The following ADAMTS14 variants were observed in gnomAD, a reference collection of about 807,000 sequenced individuals.
ADAMTS14 encodes ADAM metallopeptidase with thrombospondin type 1 motif 14.
ADAMTS14 carries 100 observed loss-of-function variants against 128.6 expected under a neutral mutation model. The ratio of observed to expected loss-of-function variants is 0.78; its 90% CI spans 0.66 to 0.92. The LOEUF (loss-of-function observed/expected upper bound fraction) is 0.92. ADAMTS14 is among the 40% of genes least tolerant of loss of function. ADAMTS14 has a pLI of 0.00. For missense variants in ADAMTS14, 1,562 were observed against 1,658.6 expected (o/e 0.94, Z 1.01); for synonymous variants, 665 against 653.8 (o/e 1.02, Z -0.26).
At chr10:70,693,591 A>G (rs954107671) in intron 2 of ADAMTS14, among the ~76,000 whole-genome samples, 1 of 152,218 alleles carries the variant, frequency 6.6e-6, no homozygotes, top group Non-Finnish European at 1.5e-5. Flanking sequence ...ATGTTAAGTA[A>G]GTGTCCCAAG....
In ADAMTS14 at chr10:70,743,693, C is replaced by T; in HGVS notation, c.2058+12C>T. On this transcript the variant is annotated intron_variant, in intron 13 of 21. Coordinates refer to ENST00000373207, the MANE Select transcript of ADAMTS14 (RefSeq NM_080722.4). ...GTGGCGAGTGTGTGGTGGGTGCACC[C>T]CCAGCCACCCCGACTACCGGCACAG... 6.4e-7 allele frequency: 1 copy of T among 1,560,366 alleles called. No individual in the cohort carries two copies. Among genetic ancestry groups the T allele is most frequent in the Non-Finnish European group, 8.7e-7 (1 of 1,151,872 alleles).
At chr10:70,750,130 G>A (rs1842308796) in intron 16 of ADAMTS14, 145 bp downstream of exon 16, 5 of 1,090,150 alleles carry the variant, frequency 4.6e-6, no homozygotes, top group Non-Finnish European at 6.4e-6. Context: ...CCTGGGATTA[G>A]CTCCTCATTT....
rs1390339032 is a variant in ADAMTS14 at position 70,758,229 on chromosome 10, A to T, written c.3122A>T (p.Glu1041Val). ...GATGTCTGGGAACTTGGGACGCCAG[A>T]GGGGCAGTGGGTGCCACAATCTGAA... ...RADVWELGTPEGQWVPQSEPL... is the reference protein window; with the variant it reads ...RADVWELGTPVGQWVPQSEPL... Residue 1041 changes from glutamate to valine, a missense_variant, in exon 21 of 22, where the codon GAG becomes GTG. Physicochemically the swap from Glu to Val is moderately radical, Grantham distance 121. Transcript: ENST00000373207. The T allele has an allele frequency of 6.2e-7, 1 of 1,614,140 alleles. No individual in the cohort carries two copies. The highest frequency in any genetic ancestry group is 1.3e-5 in the African/African-American group (1 of 74,950).
At chr10:70,736,481 C>T (rs368707978) in intron 9 of ADAMTS14, among the ~76,000 whole-genome samples, 199 bp from the exon 10 acceptor site, 6 of 152,244 alleles carry the variant, frequency 3.9e-5, no homozygotes, top group African/African-American at 1.4e-4. Context: ...TTCTCAGTGC[C>T]ATGGAGAAAG....
In ADAMTS14 at chr10:70,702,416, G is replaced by A. The variant is rs1840524066; in HGVS notation, c.627G>A (p.Arg209=). The change falls in exon 3 of 22, where the codon CGG becomes CGA. Residue 209 remains arginine, a synonymous_variant. Coordinates refer to ENST00000373207, the MANE Select transcript of ADAMTS14 (RefSeq NM_080722.4). The part of the protein sequence containing the change: ...ASGRTHVVYR[R]EAVQQEWAEP... ...GGAGGACACATGTGGTGTACCGCCGGGAGGCCGTCCAGCAGGAGTGGGCAG... is the reference window on the plus strand; with the variant it reads ...GGAGGACACATGTGGTGTACCGCCGAGAGGCCGTCCAGCAGGAGTGGGCAG... 6.2e-7 allele frequency: 1 copy of A among 1,613,776 alleles called. No homozygotes were observed. The highest frequency in any genetic ancestry group is 1.7e-5 in the Admixed American group (1 of 59,970).
chr10:70,734,540 G>A (rs1841762915), intron 8 of ADAMTS14, among the ~76,000 whole-genome samples: 1 of 152,196 alleles, frequency 6.6e-6, no homozygotes, highest in Admixed American at 6.5e-5. Context: ...ATGCTGAGGA[G>A]GGAGCTCCTC....
Position 70,715,456 on chromosome 10 carries a change from G to A in ADAMTS14, c.870+6678G>A, listed in dbSNP as rs116675878. On this transcript the variant is annotated intron_variant, in intron 4 of 21. Transcript: ENST00000373207. ...TGTGCCCTCAGCGAGGCCCCTTCCA[G>A]ACCCACTGAGTGGCCTGGTCTGAGC... 2.5e-3 allele frequency among the ~76,000 whole-genome samples: 387 copies of A among 152,200 alleles called. 1 individual carries two copies. The highest frequency in any genetic ancestry group is 7.3e-3 in the African/African-American group (303 of 41,532).
rs1485675752 is a variant in ADAMTS14 at position 70,759,129 on chromosome 10, T to TTTTTTTTTTTTTGAG, written c.3178+844_3178+845insTTTTTTTTTTTTGAG. Among the ~76,000 whole-genome samples, 344 of 112,614 alleles carry TTTTTTTTTTTTTGAG rather than the reference T, an allele frequency of 3.1e-3. 31 individuals carry two copies. The highest frequency in any genetic ancestry group is 0.011 in the African/African-American group (330 of 30,310). 73.9% of individuals were successfully genotyped at this position (112,614 alleles called of 152,430 possible). On this transcript the variant is annotated intron_variant, in intron 21 of 21. Coordinates refer to ENST00000373207, the MANE Select transcript of ADAMTS14 (RefSeq NM_080722.4). ...AAAGGACCTTCTACCTCCAATCTTC[T>TTTTTTTTTTTTTGAG]ACTTCTCTGCTCCTAGGCTGAGGTT... is the stretch of plus-strand genomic sequence containing the variant.
chr10:70,709,880 C>CTGGGCTAAAAGTGAGCTA (rs1840791063), intron 4 of ADAMTS14, among the ~76,000 whole-genome samples: 1 of 152,200 alleles, frequency 6.6e-6, no homozygotes, highest in African/African-American at 2.4e-5. Context: ...CAGGTGGCCC[C>CTGGGCTAAAAGTGAGCTA]AAGTGAGCAT....
At chr10:70,704,124 A>G (rs1840577756) in intron 3 of ADAMTS14, among the ~76,000 whole-genome samples, 1 of 152,168 alleles carries the variant, frequency 6.6e-6, no homozygotes, top group Non-Finnish European at 1.5e-5. Context: ...GAGCCTGCCT[A>G]GCAGCCGGCT....
intron 3 of ADAMTS14, among the ~76,000 whole-genome samples, chr10:70,706,474 C>T (rs1840671135): frequency 6.6e-6 from 1 of 152,204 alleles, no homozygotes; most frequent in Admixed American, 6.5e-5. Flanking sequence ...ATGGAGAGAG[C>T]CTTGCGCCTT....
intron 4 of ADAMTS14, among the ~76,000 whole-genome samples, chr10:70,717,870 G>T (rs894199702): frequency 6.6e-6 from 1 of 152,176 alleles, no homozygotes; most frequent in African/African-American, 2.4e-5. Flanking sequence ...AGATGTTGGG[G>T]TGGTTGCCGG....
intron 15 of ADAMTS14, among the ~76,000 whole-genome samples, chr10:70,748,289 G>A (rs910024292): frequency 6.6e-6 from 1 of 152,192 alleles, no homozygotes; most frequent in African/African-American, 2.4e-5. Flanking sequence ...GGAATGAGGG[G>A]TGCATAATCA....
Position 70,738,946 on chromosome 10 carries a change from T to TG in ADAMTS14, c.1709dup (p.Gly571ArgfsTer70). 2.5e-6 allele frequency: 4 copies of TG among 1,611,876 alleles called. No individual in the cohort carries two copies. The highest frequency in any genetic ancestry group is 3.4e-6 in the Non-Finnish European group (4 of 1,178,982). ...AGTTTGGGTCATGTTCGCGGTCATG[T>TG]GGGGGCGGGGTGCGATCCCGCAGCC... is the stretch of plus-strand genomic sequence containing the variant. On this transcript the variant is annotated frameshift_variant, in exon 11 of 22. Coordinates refer to ENST00000373207, the MANE Select transcript of ADAMTS14 (RefSeq NM_080722.4). LOFTEE classifies it high-confidence loss of function.
chr10:70,730,077 G>A (rs969568859), intron 5 of ADAMTS14, 25 bp from the exon 6 acceptor site: 1 of 1,566,718 alleles, frequency 6.4e-7, no homozygotes, highest in Non-Finnish European at 8.6e-7. Context: ...CCACGTGGCT[G>A]TTGGTGCTCT....
intron 2 of ADAMTS14, among the ~76,000 whole-genome samples, chr10:70,680,140 G>T (rs867054347): frequency 1.8e-4 from 27 of 152,220 alleles, no homozygotes; most frequent in Admixed American, 1.3e-4. Context: ...GGTGGCTCAT[G>T]CCTGTAATCC....
chr10:70,690,803 C>T lies in ADAMTS14; in HGVS notation c.523-11509C>T, dbSNP rs963582268. On this transcript the variant is annotated intron_variant, in intron 2 of 21. Coordinates refer to ENST00000373207, the MANE Select transcript of ADAMTS14 (RefSeq NM_080722.4). Reference sequence around the variant, plus strand: ...CAGCGTTCAAACTGCAGGGCCTCCACGCAGGGTGCCGCTCCTCCGCTCAGG... The same window carrying T: ...CAGCGTTCAAACTGCAGGGCCTCCATGCAGGGTGCCGCTCCTCCGCTCAGG... Among the ~76,000 whole-genome samples the T allele has an allele frequency of 5.5e-5, 8 of 144,836 alleles. 1 individual carries two copies. The highest frequency in any genetic ancestry group is 2.2e-4 in the South Asian group (1 of 4,528).
chr10:70,760,820 C>T lies in ADAMTS14; in HGVS notation c.3639C>T (p.Gly1213=), dbSNP rs1432033303. Residue 1213 remains glycine, a synonymous_variant, in exon 22 of 22, where the codon GGC becomes GGT. Transcript: ENST00000373207. ...GQPGEDLRHP[G]TSLPAASPVT ...CTGGAGAAGACCTGAGACATCCCGG[C>T]ACCAGCCTCCCTGCTGCCTCCCCGG... 1 of 1,586,706 alleles carries T rather than the reference C, an allele frequency of 6.3e-7. No homozygotes were observed. Among genetic ancestry groups the T allele is most frequent in the African/African-American group, 1.3e-5 (1 of 74,322 alleles).
intron 4 of ADAMTS14, among the ~76,000 whole-genome samples, chr10:70,712,319 C>T (rs1267969060): frequency 6.6e-6 from 1 of 152,188 alleles, no homozygotes; most frequent in Non-Finnish European, 1.5e-5. Context: ...GGTCCCACGG[C>T]CCAAAACTGG....
Sources: gnomAD v4.1 joint callset for allele counts (sites outside exome capture counted in the v4.1 genomes callset) on GRCh38, gnomAD v4.1.1 for gene constraint, MANE v1.5 for transcripts, NCBI Gene and HGNC (gene_info 2026-07-23, HGNC 2026-07-21) for gene names.